Variants in BPIFB1 observed in about 807,000 individuals in gnomAD.
BPIFB1 encodes BPI fold-containing family B member 1.
A neutral mutation model predicts 55.1 loss-of-function variants in BPIFB1; 34 were observed. That is an observed-to-expected ratio of 0.62 (90% confidence interval 0.47 to 0.82). BPIFB1 has a LOEUF of 0.82. Among genes scored for constraint, BPIFB1 ranks in the 40% least tolerant of loss-of-function variants. The probability of loss-of-function intolerance (pLI) is 0.00; values close to 1 mark genes in which losing one functional copy is unlikely to be tolerated. For synonymous variants in BPIFB1, 236 were observed against 245.3 expected (o/e 0.96, Z 0.35); for missense variants, 532 against 593.1 (o/e 0.90, Z 1.07).
At chr20:33,306,253 G>A (rs138064648) in intron 14 of BPIFB1, among the ~76,000 whole-genome samples, 188 bp downstream of exon 14, 9 of 152,250 alleles carry the variant, frequency 5.9e-5, no homozygotes, top group South Asian at 2.1e-4. Context: ...GGCTGGGCTC[G>A]TAAAGATGAA....
rs1399607717 is a variant in BPIFB1 at position 33,304,037 on chromosome 20, AATC to A, written c.1208+18_1208+20del. On this transcript the variant is annotated intron_variant, in intron 12 of 15. Transcript: ENST00000253354. Reference sequence around the variant, plus strand: ...TTGAATAACATCAGGTAAACACACAAATCATCATGAAGATTCTGCTGATGGAAA... The same window carrying A: ...TTGAATAACATCAGGTAAACACACAAATCATGAAGATTCTGCTGATGGAAA... 1.2e-6 allele frequency: 2 copies of A among 1,608,238 alleles called. No homozygotes were observed. The highest frequency in any genetic ancestry group is 2.7e-5 in the African/African-American group (2 of 74,614).
chr20:33,307,361 G>A (rs1981066154), intron 15 of BPIFB1: 1 of 203,590 alleles, frequency 4.9e-6, no homozygotes, highest in South Asian at 9.0e-5. Flanking sequence ...TTTAGCAGAA[G>A]AGGCAGATAC....
intron 6 of BPIFB1, among the ~76,000 whole-genome samples, chr20:33,297,216 C>T (rs1419908123): frequency 6.6e-6 from 1 of 152,248 alleles, no homozygotes; most frequent in Admixed American, 6.5e-5. Flanking sequence ...CCATTGCGCC[C>T]AGCCTCCATT....
At position 33,289,865 on chromosome 20, in the gene BPIFB1, C is replaced by T. The variant is rs1980399763; in HGVS notation, c.258-20C>T. On this transcript the variant is annotated intron_variant, in intron 3 of 15. Transcript: ENST00000253354. ...AATGAGCCGGAGGCATGATTCTGAT[C>T]TCTCCTAAACCCCATCCAGGCTGAA... 1.2e-6 allele frequency: 2 copies of T among 1,603,220 alleles called. No homozygotes were observed. Among genetic ancestry groups the T allele is most frequent in the African/African-American group, 1.3e-5 (1 of 74,810 alleles).
intron 3 of BPIFB1, 119 bp from the exon 4 acceptor site, chr20:33,289,766 C>A: frequency 2.4e-6 from 2 of 828,394 alleles, no homozygotes; most frequent in Non-Finnish European, 4.1e-6. Context: ...AGTCGGTGGG[C>A]AGGGCCAGGG....
intron 1 of BPIFB1, among the ~76,000 whole-genome samples, chr20:33,284,427 G>T (rs1375266115): frequency 6.6e-6 from 1 of 152,112 alleles, no homozygotes; most frequent in Non-Finnish European, 1.5e-5. Context: ...TTAAGCACCT[G>T]GTCTATGCCA....
At chr20:33,308,901 C>T (rs554789596) in intron 15 of BPIFB1, among the ~76,000 whole-genome samples, 27 of 151,386 alleles carry the variant, frequency 1.8e-4, no homozygotes, top group African/African-American at 6.3e-4. Context: ...CACATACATA[C>T]ACACACATAC....
At chr20:33,291,137 C>T (rs2146527926) in intron 5 of BPIFB1, 31 bp downstream of exon 5, 1 of 1,604,182 alleles carries the variant, frequency 6.2e-7, no homozygotes, top group South Asian at 1.1e-5. Context: ...GCCGGGCTCC[C>T]ATCCTGCCTG....
chr20:33,286,121 C>T lies in BPIFB1; in HGVS notation c.48C>T (p.Ala16=), dbSNP rs1444762059. Residue 16 remains alanine, a synonymous_variant, in exon 2 of 16, where the codon GCC becomes GCT. Coordinates refer to ENST00000253354, the MANE Select transcript of BPIFB1 (RefSeq NM_033197.3). Reference sequence around the variant, plus strand: ...CCCTTCTCTGTGGTTTGCTGGCAGCCACCTTGATCCAAGCCACCCTCAGTC... The same window carrying T: ...CCCTTCTCTGTGGTTTGCTGGCAGCTACCTTGATCCAAGCCACCCTCAGTC... ...TFTLLCGLLA[A]TLIQATLSPT... is the part of the protein sequence containing the mutation. The T allele has an allele frequency of 6.2e-7, 1 of 1,614,086 alleles. No homozygotes were observed. Among genetic ancestry groups the T allele is most frequent in the African/African-American group, 1.3e-5 (1 of 74,934 alleles).
chr20:33,291,767 C>T (rs1403430655), intron 5 of BPIFB1, 140 bp from the exon 6 acceptor site: 6 of 713,676 alleles, frequency 8.4e-6, no homozygotes, highest in African/African-American at 1.8e-5. Flanking sequence ...GGGGCTACTC[C>T]CAGCCCCGTC....
chr20:33,308,979 A>ACG (rs948950247), intron 15 of BPIFB1, among the ~76,000 whole-genome samples: 1 of 151,768 alleles, frequency 6.6e-6, no homozygotes, highest in African/African-American at 2.4e-5. Context: ...ATACACACAC[A>ACG]CACACACACC....
chr20:33,306,013 GA>G lies in BPIFB1; in HGVS notation c.1271del (p.Asn424ThrfsTer19). On this transcript the variant is annotated frameshift_variant, in exon 14 of 16. Coordinates refer to ENST00000253354, the MANE Select transcript of BPIFB1 (RefSeq NM_033197.3). LOFTEE classifies it high-confidence loss of function. ...TCTCTCTCTCACAGCCTGATGTTCT[GA>G]AAAACATCATCACTGAGATCATCCA... ...GIGWFQPDVL[K>X]NIITEIIHSI... 1 of 1,614,118 alleles carries G rather than the reference GA, an allele frequency of 6.2e-7. No individual in the cohort carries two copies.
intron 5 of BPIFB1, among the ~76,000 whole-genome samples, 185 bp downstream of exon 5, chr20:33,291,291 T>G (rs1182866626): frequency 6.6e-6 from 1 of 152,214 alleles, no homozygotes; most frequent in Non-Finnish European, 1.5e-5. Flanking sequence ...GTTCAGGACA[T>G]CAAGGTCAGA....
chr20:33,285,595 G>C (rs1452387629), intron 1 of BPIFB1, among the ~76,000 whole-genome samples: 1 of 151,334 alleles, frequency 6.6e-6, no homozygotes, highest in African/African-American at 2.4e-5. Flanking sequence ...GTGGGTGTCT[G>C]TAGTCCCAAC....
At chr20:33,299,843 T>G in intron 7 of BPIFB1, 56 bp from the exon 8 acceptor site, 3 of 1,322,124 alleles carry the variant, frequency 2.3e-6, no homozygotes, top group Non-Finnish European at 3.2e-6. Context: ...CCCCCCAACT[T>G]CCCCCTCCAA....
At chr20:33,300,584 T>C (rs1600667867) in intron 8 of BPIFB1, among the ~76,000 whole-genome samples, 1 of 151,890 alleles carries the variant, frequency 6.6e-6, no homozygotes, top group East Asian at 1.9e-4. Flanking sequence ...CCAGACTAGG[T>C]TTCTTTTGTT....
Position 33,286,098 on chromosome 20 carries a change from C to T in BPIFB1, c.25C>T (p.Leu9Phe), listed in dbSNP as rs936547140. 4.3e-6 allele frequency: 7 copies of T among 1,614,114 alleles called. No homozygotes were observed. The highest frequency in any genetic ancestry group is 2.2e-5 in the East Asian group (1 of 44,892). The change falls in exon 2 of 16, where the codon CTT (leucine) becomes TTT (phenylalanine). Residue 9 changes from leucine to phenylalanine, a missense_variant. Physicochemically the swap from Leu to Phe is conservative, Grantham distance 22 (BLOSUM62 0). Transcript: ENST00000253354. MAGPWTFT[L>F]LCGLLAATLI... ...GATGGCCGGCCCGTGGACCTTCACC[C>T]TTCTCTGTGGTTTGCTGGCAGCCAC...
At chr20:33,303,830 G>A (rs552590800) in intron 11 of BPIFB1, 128 bp from the exon 12 acceptor site, 11 of 882,096 alleles carry the variant, frequency 1.2e-5, no homozygotes, top group Non-Finnish European at 2.0e-5. Flanking sequence ...GCCCAGAGAG[G>A]TCAAACCCTT....
chr20:33,288,737 C>T lies in BPIFB1; in HGVS notation c.116-4C>T. 1 of 1,613,346 alleles carries T rather than the reference C, an allele frequency of 6.2e-7. No individual in the cohort carries two copies. The highest frequency in any genetic ancestry group is 8.5e-7 in the Non-Finnish European group (1 of 1,179,776). ...GGGCCCTAATCCCTGGGGTCTGCCT[C>T]CAGAGCTGACACAGGAGCTGAAGGA... On this transcript the variant is annotated splice_polypyrimidine_tract_variant and splice_region_variant and intron_variant, in intron 2 of 15. Transcript: ENST00000253354.
Sources: gnomAD v4.1 joint callset for allele counts (sites outside exome capture counted in the v4.1 genomes callset) on GRCh38, gnomAD v4.1.1 for gene constraint, MANE v1.5 for transcripts, NCBI Gene and HGNC (gene_info 2026-07-23, HGNC 2026-07-21) for gene names.